CMPK1: variants seen among roughly 807,000 people sequenced by gnomAD.
CMPK1 encodes UMP-CMP kinase.
CMPK1 carries 10 observed loss-of-function variants against 25.7 expected under a neutral mutation model. The ratio of observed to expected loss-of-function variants is 0.39; its 90% confidence interval spans 0.24 to 0.66. The LOEUF (loss-of-function observed/expected upper bound fraction) is 0.66. Ranked by LOEUF, CMPK1 falls within the 30% of genes least tolerant of loss-of-function variation. The probability of loss-of-function intolerance (pLI) is 0.48; values close to 1 mark genes in which losing one functional copy is unlikely to be tolerated. For missense variants in CMPK1, 199 were observed against 280.5 expected (o/e 0.71, Z 2.08); for synonymous variants, 106 against 101.5 (o/e 1.04, Z -0.27).
intron 1 of CMPK1, among the ~76,000 whole-genome samples, chr1:47,351,810 GT>G (rs879821682): frequency 2.0e-5 from 3 of 148,898 alleles, no homozygotes; most frequent in African/African-American, 7.4e-5. Context: ...AGGGTTTTTT[GT>G]TTTTTTTTCT....
In CMPK1 at chr1:47,359,577, T is replaced by C. The variant is rs1646587885; in HGVS notation, c.172-8892T>C. Among the ~76,000 whole-genome samples, 3 of 151,480 alleles carry C rather than the reference T, an allele frequency of 2.0e-5. No homozygotes were observed. The South Asian group carries it at 6.2e-4, about 31-fold the overall frequency. ...TAATTTTTTTGTATTTTTGTAAAGATGGGGTTTCACCATGTTGGCCAGGCT... is the reference window on the plus strand; with the variant it reads ...TAATTTTTTTGTATTTTTGTAAAGACGGGGTTTCACCATGTTGGCCAGGCT... On this transcript the variant is annotated intron_variant, in intron 1 of 5. Transcript: ENST00000371873.
intron 1 of CMPK1, among the ~76,000 whole-genome samples, chr1:47,338,028 T>A (rs1322741303): frequency 6.6e-6 from 1 of 152,180 alleles, no homozygotes; most frequent in East Asian, 1.9e-4. Flanking sequence ...CAAAATAATG[T>A]AAGTTTTGGA....
chr1:47,345,589 G>A (rs992615969), intron 1 of CMPK1, among the ~76,000 whole-genome samples: 1 of 151,278 alleles, frequency 6.6e-6, no homozygotes, highest in African/African-American at 2.4e-5. Flanking sequence ...CACCTCCTGG[G>A]TTCACACCGT....
intron 1 of CMPK1, among the ~76,000 whole-genome samples, chr1:47,353,540 A>G (rs1646536873): frequency 6.6e-6 from 1 of 152,142 alleles, no homozygotes; most frequent in African/African-American, 2.4e-5. Context: ...ATTTAGTTTT[A>G]AATTTTAGAT....
intron 1 of CMPK1, among the ~76,000 whole-genome samples, chr1:47,349,161 CAA>C (rs1646504728): frequency 6.6e-6 from 1 of 152,280 alleles, no homozygotes; most frequent in South Asian, 2.1e-4. Context: ...CAGGACATAA[CAA>C]AATGATCAAC....
At chr1:47,358,510 A>G (rs1161686848) in intron 1 of CMPK1, 11 of 1,021,518 alleles carry the variant, frequency 1.1e-5, no homozygotes, top group Middle Eastern at 4.8e-4. Flanking sequence ...GTATGTGTAG[A>G]TGTCATTTTT....
intron 1 of CMPK1, chr1:47,358,486 G>GTTAGT (rs1041363370): frequency 5.2e-6 from 6 of 1,157,182 alleles, no homozygotes; most frequent in Non-Finnish European, 6.5e-6. Flanking sequence ...TGCTGTGGCT[G>GTTAGT]TTAGTATAGT....
chr1:47,351,410 A>C (rs1265364944), intron 1 of CMPK1, among the ~76,000 whole-genome samples: 1 of 152,140 alleles, frequency 6.6e-6, no homozygotes, highest in African/African-American at 2.4e-5. Context: ...CCATGTTAGC[A>C]TGTATCAGAA....
intron 1 of CMPK1, among the ~76,000 whole-genome samples, chr1:47,350,128 A>G (rs1298656059): frequency 1.3e-5 from 2 of 152,062 alleles, no homozygotes; most frequent in Admixed American, 1.3e-4. Flanking sequence ...ATATAGAAAC[A>G]GGGTCTCACT....
intron 1 of CMPK1, among the ~76,000 whole-genome samples, chr1:47,361,025 G>A (rs1292976723): frequency 4.0e-5 from 4 of 98,854 alleles, no homozygotes; most frequent in Non-Finnish European, 6.2e-5. Context: ...GGGGAATTGG[G>A]CACATGTGCA....
At chr1:47,365,872 T>C (rs1389532652) in intron 1 of CMPK1, among the ~76,000 whole-genome samples, 3 of 152,102 alleles carry the variant, frequency 2.0e-5, no homozygotes, top group Non-Finnish European at 4.4e-5. Context: ...TCTAAATGAA[T>C]TGAGTTTATA....
chr1:47,366,878 C>A (rs1646642563), intron 1 of CMPK1, among the ~76,000 whole-genome samples: 1 of 152,144 alleles, frequency 6.6e-6, no homozygotes, highest in East Asian at 1.9e-4. Context: ...GCACCTGCAA[C>A]CACACCTGGC....
At chr1:47,339,520 A>C (rs1407839347) in intron 1 of CMPK1, among the ~76,000 whole-genome samples, 1 of 152,140 alleles carries the variant, frequency 6.6e-6, no homozygotes, top group African/African-American at 2.4e-5. Context: ...CTGCTTATTA[A>C]GCACTTATTG....
chr1:47,357,932 G>A (rs917242266), intron 1 of CMPK1, among the ~76,000 whole-genome samples: 1 of 151,830 alleles, frequency 6.6e-6, no homozygotes, highest in African/African-American at 2.4e-5. Flanking sequence ...CTTGGGGCAC[G>A]TTCAAACCAT....
At chr1:47,337,893 G>A (rs1234108629) in intron 1 of CMPK1, among the ~76,000 whole-genome samples, 10 of 152,170 alleles carry the variant, frequency 6.6e-5, no homozygotes, top group Non-Finnish European at 1.5e-4. Flanking sequence ...TTACAGGTGT[G>A]AGCCACTGTG....
rs1268246439 is a variant in CMPK1 at position 47,377,472 on chromosome 1, T to C, written c.*727T>C. On this transcript the variant is annotated 3_prime_UTR_variant, in exon 6 of 6. Coordinates refer to ENST00000371873, the MANE Select transcript of CMPK1 (RefSeq NM_016308.3). ...TCTAATGCTTGTGTTCCTTATACTC[T>C]ATTATATAGTGTTATTCATGATTCA... 1 of 152,224 alleles carries C rather than the reference T, an allele frequency of 6.6e-6. No individual in the cohort carries two copies. Among genetic ancestry groups the C allele is most frequent in the Non-Finnish European group, 1.5e-5 (1 of 68,034 alleles). The allele number at this position is 152,224 out of a possible 1,614,324, so 9.4% of individuals were successfully genotyped here.
chr1:47,338,517 C>CTCCCTCCCTCCCTCTATCCT (rs1646416170), intron 1 of CMPK1, among the ~76,000 whole-genome samples: 1 of 57,264 alleles, frequency 1.7e-5, no homozygotes, highest in Non-Finnish European at 4.7e-5. Flanking sequence ...CCTTCCTTCC[C>CTCCCTCCCTCCCTCTATCCT]TCCCTCCCTC....
At chr1:47,376,604 C>T in intron 5 of CMPK1, 100 bp from the exon 6 acceptor site, 1 of 695,954 alleles carries the variant, frequency 1.4e-6, no homozygotes, top group South Asian at 1.8e-5. Context: ...ATGTGAGCCA[C>T]CGCGCCCCGC....
chr1:47,338,531 CT>C (rs1418466567), intron 1 of CMPK1, among the ~76,000 whole-genome samples: 4 of 77,784 alleles, frequency 5.1e-5, no homozygotes, highest in Non-Finnish European at 1.0e-4. Flanking sequence ...CTCCCTCCCT[CT>C]CTCCTTCCCT....
Sources: allele counts gnomAD v4.1 joint callset (sites outside exome capture counted in the v4.1 genomes callset), GRCh38; gene constraint gnomAD v4.1.1; transcripts MANE v1.5; gene names NCBI Gene and HGNC (gene_info 2026-07-23, HGNC 2026-07-21).